The following PPRC1 variants were observed in gnomAD, a reference collection of about 807,000 sequenced individuals.
PPRC1 encodes PPARG related coactivator 1, also known as peroxisome proliferator-activated receptor gamma coactivator-related protein 1.
PPRC1 carries 23 observed loss-of-function variants against 132.5 expected under a neutral mutation model. The ratio of observed to expected loss-of-function variants is 0.17; its 90% CI spans 0.12 to 0.25. PPRC1 has a LOEUF of 0.25. PPRC1 is among the 10% of genes least tolerant of loss of function. The pLI is 1.00. For missense variants in PPRC1, 2,006 were observed against 2,089.1 expected, an observed-to-expected ratio of 0.96 and a Z score of 0.78; for synonymous variants, 872 against 833.5, an observed-to-expected ratio of 1.05 and a Z score of -0.80.
chr10:102,146,666 C>T lies in PPRC1; in HGVS notation c.3680-6C>T. 6.2e-7 allele frequency: 1 copy of T among 1,602,878 alleles called. No individual in the cohort carries two copies. Among genetic ancestry groups the T allele is most frequent in the Non-Finnish European group, 8.5e-7 (1 of 1,174,306 alleles). ...CTGCTATCTCCATCCTCCCTCCCCA[C>T]CACAGGGCTCACCCCTCCAGCTACC... is the stretch of plus-strand genomic sequence containing the variant. On this transcript the variant is annotated splice_polypyrimidine_tract_variant and splice_region_variant and intron_variant, in intron 8 of 13. Transcript: ENST00000278070.
chr10:102,122,473 T>TA, the PPRC1 span, among the ~76,000 whole-genome samples: 1 of 151,674 alleles, frequency 6.6e-6, no homozygotes, highest in South Asian at 2.1e-4. Flanking sequence ...TTTTTTTTTT[T>TA]TTTTTTTTAA....
At position 102,149,993 on chromosome 10, in the gene PPRC1, A is replaced by G. The variant is rs1458449012; in HGVS notation, c.4959A>G (p.Thr1653=). The change falls in exon 14 of 14, where the codon ACA becomes ACG. Residue 1653 remains threonine, a synonymous_variant. Transcript: ENST00000278070. ...KSKFDSLDFD[T]LLKQAQKNLR... is the part of the protein sequence containing the mutation. The stretch of plus-strand genomic sequence containing the variant: ...AATTTGATTCTCTTGACTTTGACAC[A>G]TTGTTGAAACAGGCCCAGAAGAACC... 1 of 1,613,698 alleles carries G rather than the reference A, an allele frequency of 6.2e-7. No homozygotes were observed. The highest frequency in any genetic ancestry group is 8.5e-7 in the Non-Finnish European group (1 of 1,179,630).
At position 102,139,576 on chromosome 10, in the gene PPRC1, C is replaced by T. The variant is rs1276096340; in HGVS notation, c.1068C>T (p.Gly356=). The change falls in exon 5 of 14, where the codon GGC becomes GGT. Residue 356 remains glycine (G), a synonymous_variant. Coordinates refer to ENST00000278070, the MANE Select transcript of PPRC1 (RefSeq NM_015062.5). ...TTGTGGGGCAGGCAGCCACAGCTGGCGATGACCTGGAGATCCCAGTTGTGG... is the reference window on the plus strand; with the variant it reads ...TTGTGGGGCAGGCAGCCACAGCTGGTGATGACCTGGAGATCCCAGTTGTGG... ...LEIVGQAATA[G]DDLEIPVVVR... is the part of the protein sequence containing the mutation. 5.6e-6 allele frequency: 9 copies of T among 1,613,684 alleles called. No homozygotes were observed. The highest frequency in any genetic ancestry group is 2.2e-5 in the East Asian group (1 of 44,898).
At chr10:102,132,586 A>G (rs184236196), upstream of PPRC1, among the ~76,000 whole-genome samples, 3 of 152,358 alleles carry the variant, frequency 2.0e-5, no homozygotes, top group East Asian at 5.8e-4. Flanking sequence ...GTACTGCCGC[A>G]ATATGGGATT....
chr10:102,137,277 C>T (rs868850772), intron 1 of PPRC1, among the ~76,000 whole-genome samples: 8 of 152,038 alleles, frequency 5.3e-5, no homozygotes, highest in African/African-American at 1.9e-4. Context: ...AGACCGAACC[C>T]ATGAGTGTCA....
rs761250091 is a variant in PPRC1, at chr10:102,142,702, C to T, written c.3497-343C>T. ...GTGCTGGGATTACAGGTGTAAGCCA[C>T]CGCCCTTGGCCTGTTTTTGTTTTTA... On this transcript the variant is annotated intron_variant, in intron 5 of 13. Transcript: ENST00000278070. Among the ~76,000 whole-genome samples, 3 of 152,274 alleles carry T rather than the reference C, an allele frequency of 2.0e-5. No homozygotes were observed. In the South Asian group the frequency reaches 6.2e-4, roughly 32 times the overall value.
Position 102,141,844 on chromosome 10 carries a change from G to GC in PPRC1, c.3342dup (p.Pro1116AlafsTer40), listed in dbSNP as rs1364244274. The stretch of plus-strand genomic sequence containing the variant: ...CCCAAGAGACCAGGCCCAGGGAGAA[G>GC]CCCCCCTTGCCTGCTACCAAGGCTG... On this transcript the variant is annotated frameshift_variant, in exon 5 of 14. Transcript: ENST00000278070. LOFTEE classifies it high-confidence loss of function. 2 of 1,613,968 alleles carry GC rather than the reference G, an allele frequency of 1.2e-6. No homozygotes were observed. Among genetic ancestry groups the GC allele is most frequent in the African/African-American group, 1.3e-5 (1 of 74,916 alleles).
At chr10:102,129,128 T>C (rs2068505286), upstream of PPRC1, among the ~76,000 whole-genome samples, 1 of 150,826 alleles carries the variant, frequency 6.6e-6, no homozygotes, top group Non-Finnish European at 1.5e-5. Flanking sequence ...AGACGGGGTT[T>C]CACTGTGTTA....
chr10:102,144,946 A>T, intron 7 of PPRC1, 74 bp from the exon 8 acceptor site: 7 of 1,207,578 alleles, frequency 5.8e-6, no homozygotes, highest in African/African-American at 1.5e-5. Context: ...CCTCCCATTG[A>T]TTTCTGAGAA....
Position 102,139,160 on chromosome 10 carries a change from T to C in PPRC1, c.652T>C (p.Ser218Pro). 6.2e-7 allele frequency: 1 copy of C among 1,613,368 alleles called. No homozygotes were observed. The highest frequency in any genetic ancestry group is 8.5e-7 in the Non-Finnish European group (1 of 1,179,450). The change falls in exon 5 of 14, where the codon TCT becomes CCT. Residue 218 changes from serine to proline, a missense_variant. By Grantham distance (74) the Ser-to-Pro change is moderately conservative. This residue lies in a region of PPRC1 where 1,914 missense variants were observed against 1,917.2 expected (regional missense o/e 1.00). Transcript: ENST00000278070. ...DFSPPSFLET[S>P]SPKLPSWRPP... ...CTCCCCACCCTCTTTCTTAGAGACC[T>C]CTTCCCCCAAGCTTCCTAGCTGGAG...
At position 102,141,301 on chromosome 10, in the gene PPRC1, T is replaced by C. The variant is rs776889124; in HGVS notation, c.2793T>C (p.Pro931=). 6.2e-7 allele frequency: 1 copy of C among 1,614,046 alleles called. No homozygotes were observed. The highest frequency in any genetic ancestry group is 1.1e-5 in the South Asian group (1 of 91,082). The stretch of plus-strand genomic sequence containing the variant: ...GGCCTTGTTATCCTCATGTGTCCCC[T>C]TCTGGCTATCCTTGCCTGCCCCCCC... The part of the protein sequence containing the change: ...PSWPCYPHVS[P]SGYPCLPPPP... Residue 931 remains proline, a synonymous_variant, in exon 5 of 14, where the codon CCT becomes CCC. Coordinates refer to ENST00000278070, the MANE Select transcript of PPRC1 (RefSeq NM_015062.5).
Position 102,140,061 on chromosome 10 carries a change from A to C in PPRC1, c.1553A>C (p.Lys518Thr). Residue 518 changes from lysine to threonine, a missense_variant, in exon 5 of 14, where the codon AAG (lysine) becomes ACG (threonine). Coordinates refer to ENST00000278070, the MANE Select transcript of PPRC1 (RefSeq NM_015062.5). ...LQKESGPLQG[K>T]GKPRAWARAW... Reference sequence around the variant, plus strand: ...AAAGAGTCTGGGCCTCTCCAGGGTAAGGGGAAGCCCCGGGCTTGGGCTCGG... The same window carrying C: ...AAAGAGTCTGGGCCTCTCCAGGGTACGGGGAAGCCCCGGGCTTGGGCTCGG... The C allele has an allele frequency of 1.9e-6, 3 of 1,614,256 alleles. No individual in the cohort carries two copies. Among genetic ancestry groups the C allele is most frequent in the Non-Finnish European group, 2.5e-6 (3 of 1,180,038 alleles).
At position 102,147,301 on chromosome 10, in the gene PPRC1, A is replaced by G. The variant is rs765167845; in HGVS notation, c.4309A>G (p.Thr1437Ala). 2 of 1,612,698 alleles carry G rather than the reference A, an allele frequency of 1.2e-6. No individual in the cohort carries two copies. The highest frequency in any genetic ancestry group is 1.7e-6 in the Non-Finnish European group (2 of 1,180,012). ...SRSVSSGSNR[T>A]SEASSSSSSS... ...TTCTGTCAGCTCTGGGTCCAACCGG[A>G]CTAGCGAAGCATCTTCCTCATCCTC... Residue 1437 changes from threonine to alanine, a missense_variant, in exon 9 of 14, where the codon ACT becomes GCT. Physicochemically the swap from Thr to Ala is moderately conservative, Grantham distance 58. Around this residue, in one of 2 missense-constraint regions of PPRC1, gnomAD observed 1,914 missense variants for 1,917.2 expected, o/e 1.00. Coordinates refer to ENST00000278070, the MANE Select transcript of PPRC1 (RefSeq NM_015062.5).
chr10:102,149,503 CA>C (rs1200224717), intron 13 of PPRC1, among the ~76,000 whole-genome samples, 174 bp downstream of exon 13: 1 of 152,130 alleles, frequency 6.6e-6, no homozygotes, highest in Non-Finnish European at 1.5e-5. Context: ...GAGGCTGAGG[CA>C]GGCAAATCAC....
chr10:102,148,985 C>T lies in PPRC1; in HGVS notation c.4739+47C>T. On this transcript the variant is annotated intron_variant, in intron 12 of 13. Coordinates refer to ENST00000278070, the MANE Select transcript of PPRC1 (RefSeq NM_015062.5). This position sits in a 1 kb window ranked among gnomAD's most constrained non-coding sequence, Gnocchi z 4.2. ...AGGATGTTCTTTCTATCCCATTCAT[C>T]TACCTTGGTGTTTCTTTGTCTTGCC... 6.2e-7 allele frequency: 1 copy of T among 1,606,052 alleles called. No individual in the cohort carries two copies. The highest frequency in any genetic ancestry group is 8.5e-7 in the Non-Finnish European group (1 of 1,176,364).
In PPRC1 at chr10:102,140,122, G is replaced by T. The variant is rs1316651852; in HGVS notation, c.1614G>T (p.Lys538Asn). Residue 538 changes from lysine (K) to asparagine (N), a missense_variant, in exon 5 of 14, where the codon AAG becomes AAT. Transcript: ENST00000278070. Reference protein sequence around the residue: ...WAAALENSSPKNLERSAGQSS... With the variant: ...WAAALENSSPNNLERSAGQSS... ...CTGCCTTGGAGAATTCTAGCCCTAA[G>T]AACTTGGAGAGAAGTGCTGGACAAA... The T allele has an allele frequency of 1.2e-6, 2 of 1,614,120 alleles. No individual in the cohort carries two copies. The highest frequency in any genetic ancestry group is 2.7e-5 in the African/African-American group (2 of 74,936).
At position 102,146,923 on chromosome 10, in the gene PPRC1, GC is replaced by G; in HGVS notation, c.3934del (p.Leu1312Ter). The part of the protein sequence containing the change: ...RSRTPPKKMP[A>X]LVIPEVGSRW... ...CAGGACCCCCCCAAAAAAGATGCCT[GC>G]CCTAGTCATTCCAGAGGTGGGCTCC... On this transcript the variant is annotated frameshift_variant, in exon 9 of 14. Coordinates refer to ENST00000278070, the MANE Select transcript of PPRC1 (RefSeq NM_015062.5). LOFTEE classifies it high-confidence loss of function. The G allele has an allele frequency of 6.2e-7, 1 of 1,614,076 alleles. No homozygotes were observed.
chr10:102,148,414 C>G lies in PPRC1; in HGVS notation c.4443C>G (p.Ser1481=), dbSNP rs950218905. ...CTGGACGTTCTCGAAGATGCTCTTC[C>G]TCTTCTTCGTCATCATCTTCCTCTT... ...SSSGRSRRCS[S]SSSSSSSSSS... The change falls in exon 10 of 14, where the codon TCC becomes TCG. Residue 1481 remains serine, a synonymous_variant. Coordinates refer to ENST00000278070, the MANE Select transcript of PPRC1 (RefSeq NM_015062.5). The surrounding 1 kb of genome is among the most constrained non-coding windows in gnomAD (Gnocchi z 4.2). 28 of 1,612,538 alleles carry G rather than the reference C, an allele frequency of 1.7e-5. No individual in the cohort carries two copies. In the Admixed American group the frequency reaches 4.7e-4, roughly 27 times the overall value.
In PPRC1 at chr10:102,147,032, T is replaced by C. The variant is rs1485688515; in HGVS notation, c.4040T>C (p.Ile1347Thr). ...LGPAAPPPPC[I>T]AASREPLDHR... ...CCAGCTGCCCCTCCGCCCCCATGCATAGCTGCCTCCCGGGAGCCGCTTGAT... is the reference window on the plus strand; with the variant it reads ...CCAGCTGCCCCTCCGCCCCCATGCACAGCTGCCTCCCGGGAGCCGCTTGAT... Residue 1347 changes from isoleucine to threonine, a missense_variant, in exon 9 of 14, where the codon ATA becomes ACA. This residue lies in a region of PPRC1 where 1,914 missense variants were observed against 1,917.2 expected (regional missense o/e 1.00). Transcript: ENST00000278070. 1 of 1,614,086 alleles carries C rather than the reference T, an allele frequency of 6.2e-7. No homozygotes were observed. Among genetic ancestry groups the C allele is most frequent in the Non-Finnish European group, 8.5e-7 (1 of 1,179,998 alleles).
Sources: gnomAD v4.1 joint callset for allele counts (sites outside exome capture counted in the v4.1 genomes callset) on GRCh38, gnomAD v4.1.1 for gene constraint, gnomAD v4.1.1 regional missense constraint, Gnocchi (gnomAD v3.1) non-coding constraint, MANE v1.5 for transcripts, NCBI Gene and HGNC (gene_info 2026-07-23, HGNC 2026-07-21) for gene names.